The following MYPN variants were observed in gnomAD, a reference collection of about 807,000 sequenced individuals.
MYPN encodes myopalladin, also known as sarcomeric protein myopalladin, 145 kDa (MYOP).
In MYPN, 63 loss-of-function variants were observed where a neutral mutation model predicts 129.4. The ratio of observed to expected loss-of-function variants is 0.49; its 90% CI spans 0.40 to 0.60. The LOEUF is 0.60. Among genes scored for constraint, MYPN ranks in the 20% least tolerant of loss-of-function variants. MYPN has a pLI of 0.00. For synonymous variants in MYPN, 629 were observed against 600.9 expected (o/e 1.05, Z -0.68); for missense variants, 1,596 against 1,635.4 (o/e 0.98, Z 0.42).
At chr10:68,134,721 G>A (rs2042459871) in intron 2 of MYPN, among the ~76,000 whole-genome samples, 1 of 152,078 alleles carries the variant, frequency 6.6e-6, no homozygotes, top group Non-Finnish European at 1.5e-5. Context: ...CTTGCACCTG[G>A]GAGGTGGAGG....
At chr10:68,117,211 C>T (rs926135801) in intron 1 of MYPN, among the ~76,000 whole-genome samples, 5 of 144,408 alleles carry the variant, frequency 3.5e-5, no homozygotes, top group East Asian at 2.0e-4. Flanking sequence ...GCAACAAGAG[C>T]GAAACTCTGT....
chr10:68,179,114 TTC>T (rs1452041207), intron 12 of MYPN, among the ~76,000 whole-genome samples: 2 of 152,202 alleles, frequency 1.3e-5, no homozygotes, highest in Non-Finnish European at 1.5e-5. Context: ...CTCTGAACTG[TTC>T]TGTCAGTTCT....
At chr10:68,182,417 C>A (rs1256025627) in intron 12 of MYPN, among the ~76,000 whole-genome samples, 1 of 86,040 alleles carries the variant, frequency 1.2e-5, no homozygotes, top group African/African-American at 3.3e-5. Context: ...ATATATATAA[C>A]ATATATATAA....
intron 2 of MYPN, among the ~76,000 whole-genome samples, chr10:68,140,812 C>A (rs1327908514): frequency 6.6e-6 from 1 of 152,204 alleles, no homozygotes. Flanking sequence ...GTGGCTCATT[C>A]CTGTAATCCC....
chr10:68,130,576 T>G (rs1195938931), intron 2 of MYPN, among the ~76,000 whole-genome samples: 1 of 152,174 alleles, frequency 6.6e-6, no homozygotes. Context: ...TTTCCTCTTT[T>G]TATTTTTATT....
intron 2 of MYPN, among the ~76,000 whole-genome samples, chr10:68,130,136 C>T (rs1478597716): frequency 6.6e-6 from 1 of 151,942 alleles, no homozygotes. Flanking sequence ...ATTTTTTGTT[C>T]TTTTCTTATT....
chr10:68,089,180 C>G (rs10740282), intron 1 of MYPN, among the ~76,000 whole-genome samples: 1 of 151,822 alleles, frequency 6.6e-6, no homozygotes, highest in Admixed American at 6.6e-5. Flanking sequence ...TACAGACATG[C>G]GCCACAGTGC....
chr10:68,109,000 A>G (rs541041003), upstream of MYPN, among the ~76,000 whole-genome samples: 22 of 152,120 alleles, frequency 1.4e-4, no homozygotes, highest in Non-Finnish European at 2.8e-4. Context: ...GGATTACAGG[A>G]GTGAGCCACT....
chr10:68,167,941 G>A (rs1409319131), intron 10 of MYPN, among the ~76,000 whole-genome samples: 2 of 152,146 alleles, frequency 1.3e-5, no homozygotes, highest in Non-Finnish European at 2.9e-5. Context: ...CTAGAGAGGC[G>A]GGAACTGGGC....
In MYPN at chr10:68,121,611, A is replaced by T; in HGVS notation, c.173A>T (p.Asp58Val). 3 of 1,614,238 alleles carry T rather than the reference A, an allele frequency of 1.9e-6. No individual in the cohort carries two copies. The highest frequency in any genetic ancestry group is 2.5e-6 in the Non-Finnish European group (3 of 1,180,044). ...GCCGCTGAAGGAGGCGGAGGCCAAG[A>T]TGACCTTCCAGATCTTTCAGCCTTT... ...SGAAEGGGGQ[D>V]DLPDLSAFLS... The change falls in exon 2 of 20, where the codon GAT (aspartate) becomes GTT (valine). Residue 58 changes from aspartate to valine, a missense_variant. Coordinates refer to ENST00000358913, the MANE Select transcript of MYPN (RefSeq NM_032578.4).
intron 14 of MYPN, 46 bp from the exon 15 acceptor site, chr10:68,195,404 T>C: frequency 1.3e-6 from 2 of 1,580,456 alleles, no homozygotes; most frequent in African/African-American, 1.3e-5. Flanking sequence ...ATTGAAAAAA[T>C]GTGAGATTGT....
In MYPN at chr10:68,174,384, A is replaced by G. The variant is rs909867724; in HGVS notation, c.2292A>G (p.Leu764=). ...IQRTVSKESL[L]VSHPSVQTKS... ...GGACAGTGAGCAAAGAAAGCCTCTT[A>G]GTGTCTCACCCCTCTGTGCAAACCA... Residue 764 remains leucine, a synonymous_variant, in exon 11 of 20, where the codon TTA becomes TTG. Transcript: ENST00000358913. 1 of 1,614,142 alleles carries G rather than the reference A, an allele frequency of 6.2e-7. No individual in the cohort carries two copies. Among genetic ancestry groups the G allele is most frequent in the South Asian group, 1.1e-5 (1 of 91,084 alleles).
intron 5 of MYPN, among the ~76,000 whole-genome samples, chr10:68,149,728 T>G (rs1029068889): frequency 1.3e-5 from 2 of 152,234 alleles, no homozygotes; most frequent in Non-Finnish European, 2.9e-5. Flanking sequence ...GTTTTCAAAC[T>G]GTGATCTGTG....
At chr10:68,136,066 G>A (rs1045580465) in intron 2 of MYPN, 2 of 199,144 alleles carry the variant, frequency 1.0e-5, no homozygotes, top group African/African-American at 4.7e-5. Flanking sequence ...AGTTGTTAAT[G>A]TGCTAAAACA....
intron 3 of MYPN, among the ~76,000 whole-genome samples, 194 bp from the exon 4 acceptor site, chr10:68,145,281 C>T (rs2042643641): frequency 6.6e-6 from 1 of 152,080 alleles, no homozygotes; most frequent in Non-Finnish European, 1.5e-5. Flanking sequence ...CCCTCGGCCT[C>T]CCAAAGTGCT....
chr10:68,131,791 TA>T lies in MYPN; in HGVS notation c.902+9452del, dbSNP rs546914146. Among the ~76,000 whole-genome samples the T allele has an allele frequency of 1.1e-4, 16 of 152,372 alleles. No individual in the cohort carries two copies. The South Asian group carries it at 3.1e-3, about 30-fold the overall frequency. Reference sequence around the variant, plus strand: ...GGCATCTCATTTTTAATGCTATTATTATTTTTTAATGCTATTATTAATGGCA... The same window carrying T: ...GGCATCTCATTTTTAATGCTATTATTTTTTTTAATGCTATTATTAATGGCA... On this transcript the variant is annotated intron_variant, in intron 2 of 19. Coordinates refer to ENST00000358913, the MANE Select transcript of MYPN (RefSeq NM_032578.4).
In MYPN at chr10:68,204,246, C is replaced by G. The variant is rs143348765; in HGVS notation, c.3659+2252C>G. On this transcript the variant is annotated intron_variant, in intron 18 of 19. Transcript: ENST00000358913. ...CGTATGTCCTGACTCTTCACAACAC[C>G]CAATGCCTTTCACCTAGTAGCATAT... 5.1e-3 allele frequency among the ~76,000 whole-genome samples: 776 copies of G among 152,296 alleles called. 4 individuals carry two copies. Among genetic ancestry groups the G allele is most frequent in the Middle Eastern group, 0.01 (3 of 294 alleles).
At chr10:68,195,094 T>C (rs937833839) in intron 14 of MYPN, among the ~76,000 whole-genome samples, 2 of 152,234 alleles carry the variant, frequency 1.3e-5, no homozygotes, top group Non-Finnish European at 2.9e-5. Context: ...CCATTCCTAC[T>C]GAAATGTTAG....
At chr10:68,200,693 G>A (rs1397060737) in intron 17 of MYPN, among the ~76,000 whole-genome samples, 3 of 152,140 alleles carry the variant, frequency 2.0e-5, no homozygotes, top group African/African-American at 4.8e-5. Flanking sequence ...GGGAGGTGGA[G>A]GTTGCAGTCA....
Sources: gnomAD v4.1 joint callset for allele counts (sites outside exome capture counted in the v4.1 genomes callset) on GRCh38, gnomAD v4.1.1 for gene constraint, MANE v1.5 for transcripts, NCBI Gene and HGNC (gene_info 2026-07-23, HGNC 2026-07-21) for gene names.